The following TIAM1 variants were observed in gnomAD, a reference collection of about 807,000 sequenced individuals.
The protein encoded by TIAM1 is TIAM Rac1 associated GEF 1, also known as rho guanine nucleotide exchange factor TIAM1.
Under a neutral mutation model 163.5 loss-of-function variants are expected in TIAM1, and 65 were observed. The observed-to-expected ratio is 0.40, with a 90% CI of 0.33 to 0.49. The LOEUF (loss-of-function observed/expected upper bound fraction) is 0.49, where lower values mean the gene tolerates loss of function less well. Ranked by LOEUF, TIAM1 falls within the 20% of genes least tolerant of loss-of-function variation. The pLI, the probability that TIAM1 is intolerant of heterozygous loss-of-function variation, is 0.77. For missense variants in TIAM1, 1,789 were observed against 2,044.7 expected, an observed-to-expected ratio of 0.87 and a Z score of 2.41; for synonymous variants, 833 against 810.1, an observed-to-expected ratio of 1.03 and a Z score of -0.48.
intron 2 of TIAM1, among the ~76,000 whole-genome samples, chr21:31,439,802 C>T (rs1449869570): frequency 1.3e-5 from 2 of 152,126 alleles, no homozygotes; most frequent in East Asian, 1.9e-4. Flanking sequence ...CCATAATTAT[C>T]GTGAAAAGAA....
rs115553760 is a variant in TIAM1, at chr21:31,258,059, C to A, written c.964-5870G>T. 7.2e-3 allele frequency among the ~76,000 whole-genome samples: 1,101 copies of A among 151,914 alleles called. 6 individuals are homozygous for A. The highest frequency in any genetic ancestry group is 0.025 in the African/African-American group (1,048 of 41,374). On this transcript the variant is annotated intron_variant, in intron 4 of 27. Transcript: ENST00000541036. Reference sequence around the variant, plus strand: ...CCCTGACCACCCTGTCAGAAATTGCCCCCCACATCCCCCACACCCCATCTT... The same window carrying A: ...CCCTGACCACCCTGTCAGAAATTGCACCCCACATCCCCCACACCCCATCTT...
rs77221722 is a variant in TIAM1, at chr21:31,412,784, T to TAAA, written c.-369+51196_-369+51198dup. Among the ~76,000 whole-genome samples, 940 of 103,458 alleles carry TAAA rather than the reference T, an allele frequency of 9.1e-3. 11 individuals carry two copies. Among genetic ancestry groups the TAAA allele is most frequent in the African/African-American group, 0.034 (891 of 26,366 alleles). The allele number at this position is 103,458 out of a possible 152,430, so 67.9% of individuals were successfully genotyped here. On this transcript the variant is annotated intron_variant, in intron 2 of 28. Coordinates refer to the TIAM1 transcript ENST00000286827. ...GAAAGAGAGCAAGACTGTCTCAGGT[T>TAAA]AAAAAAAAAAAAAAAAAAAAAAAAG...
intron 1 of TIAM1, among the ~76,000 whole-genome samples, chr21:31,539,029 C>T (rs1370716273): frequency 6.6e-6 from 1 of 152,108 alleles, no homozygotes; most frequent in East Asian, 1.9e-4. Flanking sequence ...ACAGCTGGTG[C>T]GAAAGGGAGG....
intron 15 of TIAM1, among the ~76,000 whole-genome samples, chr21:31,168,557 C>T (rs543843485): frequency 9.9e-5 from 15 of 152,248 alleles, no homozygotes; most frequent in Admixed American, 5.2e-4. Flanking sequence ...CCTGCCACCA[C>T]GCCCTGCTAA....
At chr21:31,415,692 C>T (rs1382647569) in intron 2 of TIAM1, among the ~76,000 whole-genome samples, 1 of 152,210 alleles carries the variant, frequency 6.6e-6, no homozygotes, top group Non-Finnish European at 1.5e-5. Flanking sequence ...CTTCTACACC[C>T]TTTTCTTCAC....
rs139170736 is a variant in TIAM1, at chr21:31,152,659, G to A, written c.3343C>T (p.Leu1115Phe). 2 of 1,613,998 alleles carry A rather than the reference G, an allele frequency of 1.2e-6. No individual in the cohort carries two copies. Among genetic ancestry groups the A allele is most frequent in the African/African-American group, 2.7e-5 (2 of 74,874 alleles). ...ACCTTAAATTGATCAACCTTCTCAAGCTTTTCCAAATCAGGTACCAGTCTC... is the reference window on the plus strand; with the variant it reads ...ACCTTAAATTGATCAACCTTCTCAAACTTTTCCAAATCAGGTACCAGTCTC... ...GVRLVPDLEKLEKVDQFKKVL... is the reference protein window; with the variant it reads ...GVRLVPDLEKFEKVDQFKKVL... Residue 1115 changes from leucine (L) to phenylalanine (F), a missense_variant, in exon 19 of 28, where the codon CTT becomes TTT. By Grantham distance (22) the Leu-to-Phe change is conservative (BLOSUM62 0). Coordinates refer to ENST00000541036, the MANE Select transcript of TIAM1 (RefSeq NM_001353694.2).
At chr21:31,250,203 A>C (rs2071724056) in intron 5 of TIAM1, among the ~76,000 whole-genome samples, 1 of 152,062 alleles carries the variant, frequency 6.6e-6, no homozygotes, top group Non-Finnish European at 1.5e-5. Context: ...ATAGCTGAGC[A>C]ACAAAACTTC....
chr21:31,554,040 C>A (rs893087283), intron 1 of TIAM1, among the ~76,000 whole-genome samples: 1 of 152,138 alleles, frequency 6.6e-6, no homozygotes, highest in African/African-American at 2.4e-5. Flanking sequence ...ACAAGGTTAG[C>A]AGCTCTCAGG....
At chr21:31,293,430 C>T (rs894035239) in intron 2 of TIAM1, among the ~76,000 whole-genome samples, 4 of 152,198 alleles carry the variant, frequency 2.6e-5, no homozygotes, top group Admixed American at 6.5e-5. Context: ...TTTGACCAAA[C>T]GACTAGGCAC....
chr21:31,240,897 T>A (rs1371568788), intron 6 of TIAM1, among the ~76,000 whole-genome samples: 1 of 152,214 alleles, frequency 6.6e-6, no homozygotes, highest in African/African-American at 2.4e-5. Context: ...TAATCTCATC[T>A]TCAATTGTAG....
At chr21:31,375,420 A>T (rs1296476316) in intron 2 of TIAM1, among the ~76,000 whole-genome samples, 1 of 152,232 alleles carries the variant, frequency 6.6e-6, no homozygotes, top group Non-Finnish European at 1.5e-5. Context: ...AGACTAAACA[A>T]TGGGCAAAAT....
At chr21:31,545,525 C>T (rs2048458880) in intron 1 of TIAM1, among the ~76,000 whole-genome samples, 1 of 152,120 alleles carries the variant, frequency 6.6e-6, no homozygotes, top group South Asian at 2.1e-4. Flanking sequence ...AACCAGGAGG[C>T]AATCCTAGAG....
At chr21:31,130,147 A>C in intron 25 of TIAM1, 66 bp downstream of exon 25, 4 of 1,439,764 alleles carry the variant, frequency 2.8e-6, no homozygotes, top group Non-Finnish European at 3.9e-6. Flanking sequence ...GTGTGGATTC[A>C]AACAAATAAT....
intron 6 of TIAM1, among the ~76,000 whole-genome samples, chr21:31,235,933 T>C (rs1413721628): frequency 6.6e-6 from 1 of 152,196 alleles, no homozygotes; most frequent in East Asian, 1.9e-4. Flanking sequence ...CCATTAATAG[T>C]CTCCTAAGAG....
At chr21:31,220,321 G>T (rs921144974) in intron 8 of TIAM1, among the ~76,000 whole-genome samples, 13 of 152,308 alleles carry the variant, frequency 8.5e-5, no homozygotes, top group Admixed American at 5.2e-4. Context: ...ACTGACGGAT[G>T]CCAGGCACTT....
At chr21:31,490,550 A>C (rs767975831) in intron 1 of TIAM1, among the ~76,000 whole-genome samples, 1 of 152,136 alleles carries the variant, frequency 6.6e-6, no homozygotes, top group Non-Finnish European at 1.5e-5. Flanking sequence ...GCCAGGACAG[A>C]CTCAGGGAAC....
At chr21:31,404,737 A>G (rs1333350164) in intron 2 of TIAM1, among the ~76,000 whole-genome samples, 1 of 152,148 alleles carries the variant, frequency 6.6e-6, no homozygotes, top group Non-Finnish European at 1.5e-5. Context: ...AATGCAGTAT[A>G]GCTAAGTAAG....
chr21:31,395,535 G>A lies in TIAM1; in HGVS notation c.-368-56113C>T, dbSNP rs2077051464. ...ATACGCCACAGAGGCGAAGAGAAGG[G>A]CCAACCCTGCATTTTCTGCCACAGG... On this transcript the variant is annotated intron_variant, in intron 2 of 28. Coordinates refer to the TIAM1 transcript ENST00000286827. The surrounding 1 kb of genome is among the most constrained non-coding windows in gnomAD (Gnocchi z 7.5). Among the ~76,000 whole-genome samples, 1 of 152,188 alleles carries A rather than the reference G, an allele frequency of 6.6e-6. No individual in the cohort carries two copies. The highest frequency in any genetic ancestry group is 2.4e-5 in the African/African-American group (1 of 41,436).
chr21:31,299,868 G>C (rs1442375975), intron 2 of TIAM1, among the ~76,000 whole-genome samples: 1 of 152,194 alleles, frequency 6.6e-6, no homozygotes, highest in Non-Finnish European at 1.5e-5. Context: ...TCCGCTGCCT[G>C]AGCCACAGAA....
Sources: allele counts gnomAD v4.1 joint callset (sites outside exome capture counted in the v4.1 genomes callset), GRCh38; gene constraint gnomAD v4.1.1; non-coding constraint Gnocchi (gnomAD v3.1); transcripts MANE v1.5; gene names NCBI Gene and HGNC (gene_info 2026-07-23, HGNC 2026-07-21).